The following NME8 variants were observed in gnomAD, a reference collection of about 807,000 sequenced individuals.
NME8 encodes the protein protein NME8.
A neutral mutation model predicts 82.3 loss-of-function variants in NME8; 72 were observed. The observed-to-expected ratio is 0.87, with a 90% CI of 0.72 to 1.06. The LOEUF is 1.06. Ranked by LOEUF, NME8 falls within the 50% of genes least tolerant of loss-of-function variation. The pLI is 0.00. For missense variants in NME8, 712 were observed against 685.4 expected (o/e 1.04, Z -0.43); for synonymous variants, 267 against 228.5 (o/e 1.17, Z -1.52).
At chr7:37,887,839 A>G (rs1785067561) in intron 14 of NME8, among the ~76,000 whole-genome samples, 1 of 152,178 alleles carries the variant, frequency 6.6e-6, no homozygotes, top group Admixed American at 6.5e-5. Flanking sequence ...TTGTAATACC[A>G]GGTGCTTGTA....
rs3816419 is a variant in NME8 at position 37,864,251 on chromosome 7, A to T, written c.455-97A>T. On this transcript the variant is annotated intron_variant, in intron 8 of 17. Coordinates refer to ENST00000199447, the MANE Select transcript of NME8 (RefSeq NM_016616.5). ...GCTATCAATGGGCAACAATTAACTGATCATTAGAAATTTACATTGCTAATT... is the reference window on the plus strand; with the variant it reads ...GCTATCAATGGGCAACAATTAACTGTTCATTAGAAATTTACATTGCTAATT... 0.6 allele frequency: 846,914 copies of T among 1,412,376 alleles called. 260,059 individuals are homozygous for T. Among genetic ancestry groups the T allele is most frequent in the Non-Finnish European group, 0.64 (654,174 of 1,029,034 alleles). 87.5% of individuals were successfully genotyped at this position (1,412,376 alleles called of 1,614,324 possible).
chr7:37,859,840 C>T (rs1170887519), intron 6 of NME8, among the ~76,000 whole-genome samples: 2 of 152,182 alleles, frequency 1.3e-5, no homozygotes, highest in Admixed American at 6.6e-5. Context: ...TAAACTTCAT[C>T]GAATCACTCC....
intron 12 of NME8, among the ~76,000 whole-genome samples, chr7:37,879,159 TA>T (rs1784904969): frequency 6.6e-6 from 1 of 152,022 alleles, no homozygotes; most frequent in Non-Finnish European, 1.5e-5. Context: ...TATTTATTTT[TA>T]TTTTTTGAGA....
chr7:37,899,563 C>T (rs1467592478), intron 17 of NME8, among the ~76,000 whole-genome samples: 3 of 152,044 alleles, frequency 2.0e-5, no homozygotes, highest in Non-Finnish European at 2.9e-5. Flanking sequence ...GGAAGAATAG[C>T]TAATGGATGC....
chr7:37,860,431 C>T (rs1249758509), intron 6 of NME8, among the ~76,000 whole-genome samples: 1 of 152,204 alleles, frequency 6.6e-6, no homozygotes, highest in Non-Finnish European at 1.5e-5. Flanking sequence ...AGGTATTCAT[C>T]ATTTGTACCT....
At chr7:37,888,222 G>A in intron 14 of NME8, 55 bp from the exon 15 acceptor site, 1 of 1,541,858 alleles carries the variant, frequency 6.5e-7, no homozygotes, top group Non-Finnish European at 9.0e-7. Context: ...TAGAAATTGT[G>A]TTATATTATT....
intron 12 of NME8, among the ~76,000 whole-genome samples, chr7:37,879,771 C>G (rs1487899402): frequency 6.6e-6 from 1 of 152,102 alleles, no homozygotes. Context: ...AAGAAAGTGC[C>G]AAAATGTCTT....
In NME8 at chr7:37,894,482, A is replaced by G. The variant is rs1457366279; in HGVS notation, c.1416A>G (p.Ile472Met). The G allele has an allele frequency of 1.2e-6, 2 of 1,612,966 alleles. No homozygotes were observed. The highest frequency in any genetic ancestry group is 1.7e-5 in the Admixed American group (1 of 59,944). Reference protein sequence around the residue: ...TSEQREQILKIVKEAGFDLTQ... With the variant: ...TSEQREQILKMVKEAGFDLTQ... ...TTTTCTTAGAGCAGATCCTGAAGAT[A>G]GTTAAGGAGGCTGGATTTGATCTGA... is the stretch of plus-strand genomic sequence containing the variant. Residue 472 changes from isoleucine (I) to methionine (M), a missense_variant, in exon 16 of 18, where the codon ATA (isoleucine) becomes ATG (methionine). Ile to Met is a conservative substitution (Grantham distance 10, BLOSUM62 1). Coordinates refer to ENST00000199447, the MANE Select transcript of NME8 (RefSeq NM_016616.5).
chr7:37,892,287 A>G (rs1467116291), intron 15 of NME8, among the ~76,000 whole-genome samples: 1 of 151,032 alleles, frequency 6.6e-6, no homozygotes, highest in African/African-American at 2.4e-5. Context: ...TCTTATTTCA[A>G]GATGGTTTTC....
intron 11 of NME8, among the ~76,000 whole-genome samples, chr7:37,874,025 C>T (rs1247614131): frequency 1.3e-5 from 2 of 152,182 alleles, no homozygotes; most frequent in Non-Finnish European, 2.9e-5. Flanking sequence ...GCAACCCCTG[C>T]ATTCTTACAA....
At chr7:37,887,350 TATA>T (rs1343333369) in intron 14 of NME8, among the ~76,000 whole-genome samples, 9 of 152,196 alleles carry the variant, frequency 5.9e-5, no homozygotes, top group African/African-American at 2.2e-4. Context: ...ATTTAATGTT[TATA>T]ATTTTATATC....
chr7:37,859,623 C>T (rs757631010), intron 6 of NME8, among the ~76,000 whole-genome samples: 10 of 152,246 alleles, frequency 6.6e-5, no homozygotes, highest in Non-Finnish European at 1.3e-4. Flanking sequence ...GCTAAATCTC[C>T]AATTCCCCCA....
intron 7 of NME8, among the ~76,000 whole-genome samples, chr7:37,862,816 C>G (rs1784616336): frequency 6.6e-6 from 1 of 152,020 alleles, no homozygotes; most frequent in Admixed American, 6.6e-5. Context: ...ATCTCCCATG[C>G]TCTTATTAAA....
chr7:37,888,387 C>T lies in NME8; in HGVS notation c.1358C>T (p.Thr453Ile), dbSNP rs1461693321. The T allele has an allele frequency of 6.2e-6, 10 of 1,613,308 alleles. No homozygotes were observed. The highest frequency in any genetic ancestry group is 8.5e-6 in the Non-Finnish European group (10 of 1,179,576). The change falls in exon 15 of 18, where the codon ACT becomes ATT. Residue 453 changes from threonine to isoleucine, a missense_variant. Coordinates refer to ENST00000199447, the MANE Select transcript of NME8 (RefSeq NM_016616.5). ...EIQHFFPLQSTLGLIKPHATS... is the reference protein window; with the variant it reads ...EIQHFFPLQSILGLIKPHATS... ...CAGCATTTCTTTCCTCTTCAAAGCACTTTAGGCTTGATTAAACCTCATGCA... is the reference window on the plus strand; with the variant it reads ...CAGCATTTCTTTCCTCTTCAAAGCATTTTAGGCTTGATTAAACCTCATGCA...
intron 11 of NME8, among the ~76,000 whole-genome samples, chr7:37,876,268 A>T (rs1257580148): frequency 6.6e-6 from 1 of 151,488 alleles, no homozygotes; most frequent in Non-Finnish European, 1.5e-5. Flanking sequence ...ATAATAAATT[A>T]TCTATAATAT....
At chr7:37,870,687 T>C (rs894342203) in intron 11 of NME8, among the ~76,000 whole-genome samples, 2 of 152,004 alleles carry the variant, frequency 1.3e-5, no homozygotes, top group Middle Eastern at 3.2e-3. Context: ...TGGACAAGCT[T>C]GGTCTATAGG....
chr7:37,851,944 C>T (rs1042498898), intron 5 of NME8, among the ~76,000 whole-genome samples: 4 of 152,100 alleles, frequency 2.6e-5, no homozygotes, highest in African/African-American at 9.7e-5. Flanking sequence ...TTTCACTATC[C>T]ATCCCCTTCT....
intron 15 of NME8, 33 bp downstream of exon 15, chr7:37,888,461 AT>A: frequency 1.3e-6 from 2 of 1,585,914 alleles, no homozygotes; most frequent in Non-Finnish European, 1.7e-6. Context: ...GAATGTATAC[AT>A]TTTCTCCAAA....
intron 14 of NME8, 124 bp downstream of exon 14, chr7:37,885,376 T>G: frequency 1.4e-6 from 1 of 732,040 alleles, no homozygotes; most frequent in South Asian, 1.5e-5. Context: ...CTACCTTTCC[T>G]GGGGACGGAG....
Sources: gnomAD v4.1 joint callset for allele counts (sites outside exome capture counted in the v4.1 genomes callset) on GRCh38, gnomAD v4.1.1 for gene constraint, MANE v1.5 for transcripts, NCBI Gene and HGNC (gene_info 2026-07-23, HGNC 2026-07-21) for gene names.